PRKCZ: variants seen among roughly 807,000 people sequenced by gnomAD.
PRKCZ encodes the protein protein kinase C zeta type.
Under a neutral mutation model 79.5 loss-of-function variants are expected in PRKCZ, and 33 were observed. The observed-to-expected ratio is 0.41, with a 90% CI of 0.31 to 0.55. The LOEUF (loss-of-function observed/expected upper bound fraction) is 0.55. Among genes scored for constraint, PRKCZ ranks in the 20% least tolerant of loss-of-function variants. PRKCZ has a pLI of 0.19. For synonymous variants in PRKCZ, 342 were observed against 320.9 expected (o/e 1.07, Z -0.70); for missense variants, 578 against 813.5 (o/e 0.71, Z 3.52).
chr1:2,157,441 G>A (rs1402507062), intron 10 of PRKCZ, among the ~76,000 whole-genome samples: 1 of 151,654 alleles, frequency 6.6e-6, no homozygotes, highest in Non-Finnish European at 1.5e-5. Flanking sequence ...TTTTTGAGAT[G>A]GAGTCTCGCT....
intron 8 of PRKCZ, among the ~76,000 whole-genome samples, chr1:2,150,317 C>G (rs1679627162): frequency 6.6e-6 from 1 of 152,200 alleles, no homozygotes; most frequent in South Asian, 2.1e-4. Context: ...CTGGGTATTT[C>G]TAATAATTAT....
At chr1:2,152,753 G>A (rs1680151727) in intron 9 of PRKCZ, among the ~76,000 whole-genome samples, 1 of 152,198 alleles carries the variant, frequency 6.6e-6, no homozygotes, top group African/African-American at 2.4e-5. Flanking sequence ...TTGACAGAAC[G>A]GAGTTGTGTG....
chr1:2,055,752 C>T (rs951745861), intron 2 of PRKCZ, 190 bp downstream of exon 2: 43 of 831,278 alleles, frequency 5.2e-5, no homozygotes, highest in Middle Eastern at 3.7e-4. Context: ...TATCAAGGAC[C>T]TGGGCCCAGA....
At chr1:2,112,130 C>T (rs1415854548) in intron 4 of PRKCZ, among the ~76,000 whole-genome samples, 1 of 152,200 alleles carries the variant, frequency 6.6e-6, no homozygotes, top group African/African-American at 2.4e-5. Context: ...AGAGCTTTTC[C>T]CCTCTCCTTC....
At chr1:2,069,976 C>T (rs1045489317) in intron 4 of PRKCZ, among the ~76,000 whole-genome samples, 4 of 152,114 alleles carry the variant, frequency 2.6e-5, no homozygotes, top group African/African-American at 4.8e-5. Context: ...GAGGAGGTGC[C>T]GGGGGTAGCC....
chr1:2,155,211 GTGATGA>G (rs968054083), intron 9 of PRKCZ, among the ~76,000 whole-genome samples: 27 of 151,944 alleles, frequency 1.8e-4, no homozygotes, highest in Middle Eastern at 3.4e-3. Flanking sequence ...GATGATGGCG[GTGATGA>G]TGGTGATGGC....
rs1222296458 is a variant in PRKCZ, at chr1:2,163,633, G to T, written c.975-5885G>T. 2.6e-5 allele frequency among the ~76,000 whole-genome samples: 4 copies of T among 152,234 alleles called. No homozygotes were observed. The East Asian group carries it at 5.8e-4, about 22-fold the overall frequency. On this transcript the variant is annotated intron_variant, in intron 10 of 17. Coordinates refer to ENST00000378567, the MANE Select transcript of PRKCZ (RefSeq NM_002744.6). The stretch of plus-strand genomic sequence containing the variant: ...AGGCCGGGTGCGGTGGCTCACGCCT[G>T]TAATCCCAGCACTCTGGGAGGCCGA...
chr1:2,070,938 G>T (rs1028724070), intron 4 of PRKCZ, among the ~76,000 whole-genome samples: 1 of 151,638 alleles, frequency 6.6e-6, no homozygotes, highest in Non-Finnish European at 1.5e-5. Flanking sequence ...CGCCCTCATA[G>T]CCCTGTAGCC....
Position 2,165,654 on chromosome 1 carries a change from C to T in PRKCZ, c.975-3864C>T, listed in dbSNP as rs940024579. On this transcript the variant is annotated intron_variant, in intron 10 of 17. Transcript: ENST00000378567. The surrounding 1 kb of genome is among the most constrained non-coding windows in gnomAD (Gnocchi z 4.1). ...AAAACAGAAGCAGCCTTAGACACTG[C>T]GTGAAGGGACGCGTGTGGCCGTGTT... is the stretch of plus-strand genomic sequence containing the variant. Among the ~76,000 whole-genome samples the T allele has an allele frequency of 3.9e-5, 6 of 152,324 alleles. No individual in the cohort carries two copies. The East Asian group carries it at 5.8e-4, about 15-fold the overall frequency.
chr1:2,114,052 G>A (rs530547649), intron 4 of PRKCZ, among the ~76,000 whole-genome samples: 3 of 152,296 alleles, frequency 2.0e-5, no homozygotes, highest in Admixed American at 1.3e-4. Flanking sequence ...TGTGGCGCGT[G>A]GGTGAGGGTA....
Position 2,172,067 on chromosome 1 carries a change from C to G in PRKCZ, c.1074C>G (p.Ala358=), listed in dbSNP as rs2280272. The G allele has an allele frequency of 3.3e-3, 5,314 of 1,609,038 alleles. 170 individuals carry two copies. The East Asian group carries it at 0.082, about 25-fold the overall frequency. Residue 358 remains alanine (A), a synonymous_variant, in exon 12 of 18, where the codon GCC becomes GCG. Coordinates refer to ENST00000378567, the MANE Select transcript of PRKCZ (RefSeq NM_002744.6). This position sits in a 1 kb window ranked among gnomAD's most constrained non-coding sequence, Gnocchi z 7.8. ...TCCCCACCCCCAGGTTCTACGCGGC[C>G]GAGATCTGCATCGCCCTCAACTTCC... ...LPEEHARFYA[A]EICIALNFLH...
chr1:2,099,752 A>T (rs553596287), intron 4 of PRKCZ, among the ~76,000 whole-genome samples: 231 of 152,310 alleles, frequency 1.5e-3, no homozygotes, highest in African/African-American at 5.4e-3. Context: ...TGCACATTTC[A>T]TGACTCTTTA....
rs1032723783 is a variant in PRKCZ at position 2,128,700 on chromosome 1, G to A, written c.335-6562G>A. On this transcript the variant is annotated intron_variant, in intron 4 of 17. Coordinates refer to ENST00000378567, the MANE Select transcript of PRKCZ (RefSeq NM_002744.6). The surrounding 1 kb of genome is among the most constrained non-coding windows in gnomAD (Gnocchi z 6.5). ...GGGTCCCCAATGGGCACGTGACATC[G>A]AGCCAGCTCTGACTCCAAAGCCTGA... Among the ~76,000 whole-genome samples, 2 of 152,078 alleles carry A rather than the reference G, an allele frequency of 1.3e-5. No homozygotes were observed. Among genetic ancestry groups the A allele is most frequent in the African/African-American group, 4.8e-5 (2 of 41,394 alleles).
chr1:2,056,765 G>C (rs887643189), intron 3 of PRKCZ, among the ~76,000 whole-genome samples, 192 bp downstream of exon 3: 1 of 135,028 alleles, frequency 7.4e-6, no homozygotes, highest in Admixed American at 7.9e-5. Context: ...GTCTTGCTCT[G>C]TTGCCCAGGC....
intron 4 of PRKCZ, among the ~76,000 whole-genome samples, chr1:2,100,275 G>A (rs981926319): frequency 1.9e-4 from 29 of 152,210 alleles, no homozygotes; most frequent in African/African-American, 6.8e-4. Flanking sequence ...CCCACGTCAG[G>A]GTGACCATCT....
At chr1:2,155,955 A>G (rs774305406) in intron 9 of PRKCZ, 40 bp from the exon 10 acceptor site, 2 of 1,576,676 alleles carry the variant, frequency 1.3e-6, no homozygotes, top group Admixed American at 1.7e-5. Flanking sequence ...TGTGAGGAGC[A>G]TTCGGGAGCC....
chr1:2,150,384 G>A (rs1368915470), intron 8 of PRKCZ, among the ~76,000 whole-genome samples: 1 of 152,114 alleles, frequency 6.6e-6, no homozygotes, highest in Non-Finnish European at 1.5e-5. Context: ...AGCTGCATTC[G>A]CTTTACCTTC....
At position 2,149,045 on chromosome 1, in the gene PRKCZ, T is replaced by A; in HGVS notation, c.687+121T>A. 1 of 1,084,036 alleles carries A rather than the reference T, an allele frequency of 9.2e-7. No homozygotes were observed. Among genetic ancestry groups the A allele is most frequent in the Non-Finnish European group, 1.4e-6 (1 of 728,558 alleles). 67.2% of individuals were successfully genotyped at this position (1,084,036 alleles called of 1,614,324 possible). A position where few individuals can be genotyped will look rare whatever the true frequency, so the allele number is the denominator to read the frequency against. On this transcript the variant is annotated intron_variant, in intron 8 of 17. Transcript: ENST00000378567. The surrounding 1 kb of genome is among the most constrained non-coding windows in gnomAD (Gnocchi z 4.1). ...AGACATGGTCCGGGGTGTTGCTAAC[T>A]AATCTTCACGGGTGTGGATGTCTAG... is the stretch of plus-strand genomic sequence containing the variant.
chr1:2,125,415 C>G lies in PRKCZ; in HGVS notation c.335-9847C>G, dbSNP rs1210456413. Among the ~76,000 whole-genome samples the G allele has an allele frequency of 6.6e-6, 1 of 152,230 alleles. No homozygotes were observed. Among genetic ancestry groups the G allele is most frequent in the Admixed American group, 6.5e-5 (1 of 15,282 alleles). ...GAATGTAATTCCTTCCCAAACATCT[C>G]TCAGGGGCACTTTCCTGAACGGCTG... On this transcript the variant is annotated intron_variant, in intron 4 of 17. Transcript: ENST00000378567. The surrounding 1 kb of genome is among the most constrained non-coding windows in gnomAD (Gnocchi z 4.2).
Sources: allele counts gnomAD v4.1 joint callset (sites outside exome capture counted in the v4.1 genomes callset), GRCh38; gene constraint gnomAD v4.1.1; non-coding constraint Gnocchi (gnomAD v3.1); transcripts MANE v1.5; gene names NCBI Gene and HGNC (gene_info 2026-07-23, HGNC 2026-07-21).